The following CPQ variants were observed in gnomAD, a reference collection of about 807,000 sequenced individuals.
CPQ encodes the protein carboxypeptidase Q.
CPQ carries 37 observed loss-of-function variants against 45.7 expected under a neutral mutation model. The observed-to-expected ratio is 0.81, with a 90% CI of 0.62 to 1.07. CPQ has a LOEUF of 1.07. Among genes scored for constraint, CPQ ranks in the 50% least tolerant of loss-of-function variants. CPQ has a pLI of 0.00. For synonymous variants in CPQ, 186 were observed against 205.8 expected (o/e 0.90, Z 0.82); for missense variants, 537 against 572.9 (o/e 0.94, Z 0.64).
intron 2 of CPQ, among the ~76,000 whole-genome samples, chr8:96,827,180 G>A (rs1172773464): frequency 1.3e-5 from 2 of 152,076 alleles, no homozygotes; most frequent in East Asian, 1.9e-4. Context: ...GTGGGCATGA[G>A]TTTTAAGAGG....
intron 1 of CPQ, among the ~76,000 whole-genome samples, chr8:96,739,885 T>G (rs2130777396): frequency 6.6e-6 from 1 of 152,268 alleles, no homozygotes; most frequent in Non-Finnish European, 1.5e-5. Context: ...TAGTTTGAAG[T>G]CAGGTAGTGT....
Position 96,913,649 on chromosome 8 carries a change from T to C in CPQ, c.849+33644T>C, listed in dbSNP as rs561624814. On this transcript the variant is annotated intron_variant, in intron 4 of 7. Transcript: ENST00000220763. Reference sequence around the variant, plus strand: ...TTCAGGATGGAGAGTAAATTCTTTGTGTTTCCCATCTCTCAGAAAAATTGC... The same window carrying C: ...TTCAGGATGGAGAGTAAATTCTTTGCGTTTCCCATCTCTCAGAAAAATTGC... Among the ~76,000 whole-genome samples the C allele has an allele frequency of 2.4e-4, 37 of 152,354 alleles. 1 individual carries two copies. The highest frequency in any genetic ancestry group is 1.1e-3 in the Admixed American group (17 of 15,294).
intron 7 of CPQ, among the ~76,000 whole-genome samples, chr8:97,141,848 C>A (rs1485071616): frequency 1.3e-5 from 2 of 152,030 alleles, no homozygotes; most frequent in Admixed American, 6.6e-5. Context: ...ATGGAAAAAG[C>A]AAGCTAAAGA....
chr8:97,072,989 A>G (rs1228157040), intron 7 of CPQ, among the ~76,000 whole-genome samples: 2 of 152,194 alleles, frequency 1.3e-5, no homozygotes, highest in African/African-American at 2.4e-5. Context: ...GATAATGCCA[A>G]TGAGGTTTAT....
At chr8:97,118,995 T>C (rs1335636698) in intron 7 of CPQ, among the ~76,000 whole-genome samples, 1 of 152,058 alleles carries the variant, frequency 6.6e-6, no homozygotes, top group African/African-American at 2.4e-5. Flanking sequence ...TATGGCCCAC[T>C]AAACCTAAAA....
At chr8:96,780,705 C>CTTTTTTTTTTTTTT (rs1178779198) in intron 1 of CPQ, among the ~76,000 whole-genome samples, 1 of 144,486 alleles carries the variant, frequency 6.9e-6, no homozygotes, top group Non-Finnish European at 1.5e-5. Context: ...CTTTCTTTTT[C>CTTTTTTTTTTTTTT]TTTACTTTTT....
At chr8:97,134,900 A>T (rs1382666677) in intron 7 of CPQ, among the ~76,000 whole-genome samples, 2 of 152,256 alleles carry the variant, frequency 1.3e-5, no homozygotes, top group Non-Finnish European at 2.9e-5. Flanking sequence ...CTCAACAAGC[A>T]GTGACTATTA....
intron 7 of CPQ, among the ~76,000 whole-genome samples, chr8:97,102,860 A>C (rs1033936011): frequency 6.6e-6 from 1 of 152,186 alleles, no homozygotes; most frequent in African/African-American, 2.4e-5. Context: ...ACAACAACAA[A>C]AAAGTGTCTT....
At chr8:96,985,129 C>G (rs1179495402) in intron 5 of CPQ, among the ~76,000 whole-genome samples, 1 of 151,754 alleles carries the variant, frequency 6.6e-6, no homozygotes, top group Non-Finnish European at 1.5e-5. Context: ...TTTTCTGGCT[C>G]TTATAGTTGT....
At chr8:97,101,473 T>TCC (rs1811302999) in intron 7 of CPQ, among the ~76,000 whole-genome samples, 1 of 150,520 alleles carries the variant, frequency 6.6e-6, no homozygotes, top group Admixed American at 6.6e-5. Flanking sequence ...ATATACTATC[T>TCC]CTCTCTCTCT....
chr8:96,684,197 A>G (rs753472200), intron 1 of CPQ, among the ~76,000 whole-genome samples: 3 of 152,200 alleles, frequency 2.0e-5, no homozygotes, highest in Non-Finnish European at 4.4e-5. Flanking sequence ...TCATGGAGAA[A>G]GACTTTTTCC....
intron 6 of CPQ, among the ~76,000 whole-genome samples, chr8:97,038,374 G>T (rs1810038366): frequency 6.6e-6 from 1 of 152,150 alleles, no homozygotes; most frequent in African/African-American, 2.4e-5. Flanking sequence ...AATAGTTTCT[G>T]CCTCAGTGCC....
chr8:97,053,708 G>A (rs117137513), intron 6 of CPQ, among the ~76,000 whole-genome samples: 209 of 152,298 alleles, frequency 1.4e-3, no homozygotes, highest in Non-Finnish European at 2.2e-3. Context: ...TTTGAGCATA[G>A]GAGAAACATG....
At chr8:96,679,353 A>C (rs568182593) in intron 1 of CPQ, among the ~76,000 whole-genome samples, 1 of 152,214 alleles carries the variant, frequency 6.6e-6, no homozygotes, top group Non-Finnish European at 1.5e-5. Flanking sequence ...ATCTGTGTTC[A>C]TCAGGGATAT....
At chr8:96,655,798 G>T (rs1815631455) in intron 1 of CPQ, among the ~76,000 whole-genome samples, 1 of 152,188 alleles carries the variant, frequency 6.6e-6, no homozygotes, top group South Asian at 2.1e-4. Flanking sequence ...CCGTTGTAAA[G>T]TTGTATAGTT....
intron 7 of CPQ, among the ~76,000 whole-genome samples, chr8:97,085,407 G>A (rs2130557719): frequency 6.6e-6 from 1 of 150,954 alleles, no homozygotes; most frequent in South Asian, 2.1e-4. Flanking sequence ...CCAAAAACAA[G>A]TCCCTGGACC....
intron 1 of CPQ, among the ~76,000 whole-genome samples, chr8:96,746,072 C>G (rs1162346357): frequency 6.6e-6 from 1 of 152,156 alleles, no homozygotes; most frequent in Admixed American, 6.5e-5. Context: ...CACTTAGCCT[C>G]CTTAACTCAC....
chr8:96,663,058 C>G (rs922222814), intron 1 of CPQ, among the ~76,000 whole-genome samples: 1 of 152,148 alleles, frequency 6.6e-6, no homozygotes, highest in Non-Finnish European at 1.5e-5. Flanking sequence ...GTCATTTTTC[C>G]AAACCCATTT....
chr8:96,931,143 A>C (rs1471456608), intron 4 of CPQ, among the ~76,000 whole-genome samples: 1 of 152,200 alleles, frequency 6.6e-6, no homozygotes, highest in East Asian at 1.9e-4. Context: ...AGATCATGCT[A>C]TTAGGTATTA....
Sources: gnomAD v4.1 joint callset for allele counts (sites outside exome capture counted in the v4.1 genomes callset) on GRCh38, gnomAD v4.1.1 for gene constraint, MANE v1.5 for transcripts, NCBI Gene and HGNC (gene_info 2026-07-23, HGNC 2026-07-21) for gene names.